ANKRD36: variants seen among roughly 807,000 people sequenced by gnomAD.
ANKRD36 encodes ankyrin repeat domain-containing protein 36A.
In ANKRD36, 179 loss-of-function variants were observed where a neutral mutation model predicts 278.1. The ratio of observed to expected loss-of-function variants is 0.64; its 90% confidence interval spans 0.57 to 0.73. The LOEUF (loss-of-function observed/expected upper bound fraction) is 0.73, where lower values mean the gene tolerates loss of function less well. Among genes scored for constraint, ANKRD36 ranks in the 30% least tolerant of loss-of-function variants. ANKRD36 has a pLI of 0.00. For missense variants in ANKRD36, 1,159 were observed against 1,956.7 expected (o/e 0.59, Z 7.69); for synonymous variants, 320 against 641.1 (o/e 0.50, Z 7.57).
At chr2:97,228,630 A>G (rs1221710709) in intron 67 of ANKRD36, among the ~76,000 whole-genome samples, 1 of 151,224 alleles carries the variant, frequency 6.6e-6, no homozygotes, top group African/African-American at 2.4e-5. Context: ...TTGTGTCTCT[A>G]TTTCCTTCAG....
At chr2:97,128,941 G>A (rs559071199) in intron 6 of ANKRD36, among the ~76,000 whole-genome samples, 1 of 152,194 alleles carries the variant, frequency 6.6e-6, no homozygotes, top group Non-Finnish European at 1.5e-5. Context: ...ACATGTGCAT[G>A]TGTCTTTATA....
At chr2:97,242,270 T>C (rs1463800942) in intron 69 of ANKRD36, among the ~76,000 whole-genome samples, 44 of 146,624 alleles carry the variant, frequency 3.0e-4, no homozygotes, top group Non-Finnish European at 8.9e-5. Flanking sequence ...AGCCCAGTGA[T>C]AGTAGGAGAC....
intron 64 of ANKRD36, 139 bp from the exon 65 acceptor site, chr2:97,218,911 A>G: frequency 7.4e-7 from 1 of 1,343,656 alleles, no homozygotes; most frequent in Non-Finnish European, 9.9e-7. Context: ...TTACTGTCCC[A>G]AAGAAACAAA....
intron 20 of ANKRD36, among the ~76,000 whole-genome samples, chr2:97,164,950 T>C (rs1194564429): frequency 6.6e-6 from 1 of 152,086 alleles, no homozygotes; most frequent in Non-Finnish European, 1.5e-5. Context: ...TGTGTGTGTA[T>C]CTCTGATTAA....
chr2:97,114,875 T>C (rs2034792639), intron 1 of ANKRD36, among the ~76,000 whole-genome samples: 1 of 151,932 alleles, frequency 6.6e-6, no homozygotes, highest in African/African-American at 2.4e-5. Flanking sequence ...ATTTTTGAAT[T>C]ACTCATGCTG....
intron 11 of ANKRD36, 50 bp downstream of exon 11, chr2:97,146,566 G>A: frequency 1.4e-6 from 2 of 1,426,274 alleles, no homozygotes; most frequent in East Asian, 2.5e-5. Context: ...AGTTAATAGA[G>A]AGAATAGAAA....
intron 67 of ANKRD36, among the ~76,000 whole-genome samples, chr2:97,231,539 C>A (rs1184605263): frequency 1.3e-5 from 2 of 152,136 alleles, no homozygotes; most frequent in Non-Finnish European, 2.9e-5. Context: ...CTGTCTGTCA[C>A]CCCTTTCTTT....
intron 67 of ANKRD36, among the ~76,000 whole-genome samples, chr2:97,227,860 T>C (rs1237133618): frequency 1.3e-5 from 2 of 152,140 alleles, no homozygotes; most frequent in African/African-American, 2.4e-5. Context: ...TGTTGAATTT[T>C]GTCAAAGGCC....
rs975270661 is a variant in ANKRD36, at chr2:97,152,189, C to T, written c.1162+250C>T. On this transcript the variant is annotated intron_variant, in intron 13 of 75. Transcript: ENST00000420699. The stretch of plus-strand genomic sequence containing the variant: ...TGTATTTTTAGTGGATTTGGAGTTT[C>T]ACCATGTTGTCCAGGCTGGTCTCAA... 6.1e-5 allele frequency among the ~76,000 whole-genome samples: 9 copies of T among 146,872 alleles called. 1 individual carries two copies. Among genetic ancestry groups the T allele is most frequent in the Admixed American group, 4.7e-4 (7 of 14,862 alleles).
chr2:97,170,591 T>TA (rs1282956551), intron 22 of ANKRD36, among the ~76,000 whole-genome samples: 1 of 151,722 alleles, frequency 6.6e-6, no homozygotes, highest in Non-Finnish European at 1.5e-5. Flanking sequence ...CCTAAAACCA[T>TA]AAAAGCCCTA....
intron 67 of ANKRD36, among the ~76,000 whole-genome samples, chr2:97,232,092 T>C (rs1327843114): frequency 6.6e-6 from 1 of 151,956 alleles, no homozygotes; most frequent in East Asian, 2.0e-4. Context: ...ACTTCTTAGT[T>C]ACAATCCAGT....
chr2:97,210,631 C>A (rs2064208283), intron 56 of ANKRD36, among the ~76,000 whole-genome samples: 1 of 151,772 alleles, frequency 6.6e-6, no homozygotes, highest in South Asian at 2.1e-4. Context: ...AAGGAGCTAC[C>A]TCTTGGATGA....
intron 17 of ANKRD36, among the ~76,000 whole-genome samples, chr2:97,160,704 A>G (rs2048651418): frequency 6.6e-6 from 1 of 152,034 alleles, no homozygotes; most frequent in Admixed American, 6.6e-5. Flanking sequence ...GAATCAGAAA[A>G]CCATATGAAC....
chr2:97,121,625 G>C (rs902428751), intron 3 of ANKRD36, among the ~76,000 whole-genome samples: 1 of 152,008 alleles, frequency 6.6e-6, no homozygotes, highest in African/African-American at 2.4e-5. Context: ...CAGCCTGGGC[G>C]ACAGAGCGAG....
chr2:97,146,575 A>T, intron 11 of ANKRD36, 59 bp downstream of exon 11: 1 of 1,409,220 alleles, frequency 7.1e-7, no homozygotes, highest in Non-Finnish European at 9.5e-7. Flanking sequence ...AGAGAATAGA[A>T]ACTAGTATCC....
intron 40 of ANKRD36, among the ~76,000 whole-genome samples, chr2:97,195,391 T>A (rs1230956463): frequency 6.6e-6 from 1 of 151,942 alleles, no homozygotes; most frequent in African/African-American, 2.4e-5. Flanking sequence ...GGCAGGAATG[T>A]GGGAAAAGAG....
intron 67 of ANKRD36, among the ~76,000 whole-genome samples, chr2:97,226,456 A>G (rs1322898553): frequency 6.7e-5 from 10 of 149,020 alleles, no homozygotes; most frequent in East Asian, 6.3e-4. Flanking sequence ...TCCTTTGCCC[A>G]CTTTTTGATG....
intron 44 of ANKRD36, among the ~76,000 whole-genome samples, 193 bp from the exon 45 acceptor site, chr2:97,200,141 A>G (rs1385991547): frequency 6.6e-6 from 1 of 151,870 alleles, no homozygotes; most frequent in Non-Finnish European, 1.5e-5. Context: ...GTAAGGGTGT[A>G]TTTCACAGAG....
At chr2:97,156,852 TC>T (rs1168497904) in intron 15 of ANKRD36, among the ~76,000 whole-genome samples, 1 of 150,836 alleles carries the variant, frequency 6.6e-6, no homozygotes, top group Non-Finnish European at 1.5e-5. Context: ...GTAAAAGTGT[TC>T]CTATTTCTCC....
Sources: gnomAD v4.1 joint callset for allele counts (sites outside exome capture counted in the v4.1 genomes callset) on GRCh38, gnomAD v4.1.1 for gene constraint, MANE v1.5 for transcripts, NCBI Gene and HGNC (gene_info 2026-07-23, HGNC 2026-07-21) for gene names.